Variants in DPP10 observed in about 807,000 individuals in gnomAD.
DPP10 encodes inactive dipeptidyl peptidase 10.
Under a neutral mutation model 120.9 loss-of-function variants are expected in DPP10, and 33 were observed. The ratio of observed to expected loss-of-function variants is 0.27; its 90% CI spans 0.21 to 0.37. The LOEUF (loss-of-function observed/expected upper bound fraction) is 0.37, where lower values mean the gene tolerates loss of function less well. Ranked by LOEUF, DPP10 falls within the 10% of genes least tolerant of loss-of-function variation. The probability of loss-of-function intolerance (pLI) is 1.00; values close to 1 mark genes in which losing one functional copy is unlikely to be tolerated. For missense variants in DPP10, 816 were observed against 942.8 expected (o/e 0.87, Z 1.76); for synonymous variants, 337 against 326.1 (o/e 1.03, Z -0.36).
intron 1 of DPP10, among the ~76,000 whole-genome samples, chr2:114,535,500 A>C (rs1366595328): frequency 6.6e-6 from 1 of 152,118 alleles, no homozygotes; most frequent in Non-Finnish European, 1.5e-5. Flanking sequence ...TATTAATCCC[A>C]TTGCACCCCC....
At chr2:115,579,175 A>G (rs1448462) in intron 5 of DPP10, 150,153 of 152,326 alleles carry the variant, frequency 0.99, 74,044 homozygotes, top group East Asian at 1. Flanking sequence ...GAGCTGGGGC[A>G]TGAGTCCAGG....
intron 5 of DPP10, among the ~76,000 whole-genome samples, chr2:115,628,389 T>A (rs1168273395): frequency 6.6e-6 from 1 of 152,198 alleles, no homozygotes; most frequent in Non-Finnish European, 1.5e-5. Context: ...TGTAAATTAA[T>A]TTAAGTTCCT....
intron 21 of DPP10, among the ~76,000 whole-genome samples, chr2:115,821,467 C>T (rs766611022): frequency 9.2e-5 from 14 of 151,770 alleles, no homozygotes; most frequent in South Asian, 2.1e-4. Context: ...CAGCACTTTC[C>T]GATTGATTTA....
intron 3 of DPP10, among the ~76,000 whole-genome samples, chr2:115,437,251 G>T (rs1260387657): frequency 1.3e-5 from 2 of 152,006 alleles, no homozygotes; most frequent in African/African-American, 2.4e-5. Context: ...TCTTCTAGTG[G>T]ATAGCTCAAG....
chr2:115,162,002 G>A, intron 1 of DPP10: 1 of 1,386,414 alleles, frequency 7.2e-7, no homozygotes, highest in Non-Finnish European at 9.3e-7. Context: ...GGGGGCCAGG[G>A]CGAGCCAGGC....
At chr2:114,716,201 T>A (rs1481052934) in intron 1 of DPP10, among the ~76,000 whole-genome samples, 2 of 152,008 alleles carry the variant, frequency 1.3e-5, no homozygotes, top group East Asian at 3.9e-4. Context: ...AATAAGAAAT[T>A]TTAAAAAATG....
At chr2:115,010,044 GATAT>G (rs1702150046) in intron 1 of DPP10, among the ~76,000 whole-genome samples, 4 of 152,070 alleles carry the variant, frequency 2.6e-5, no homozygotes, top group Admixed American at 2.0e-4. Context: ...TTATCTTAAT[GATAT>G]TGTAATTTAC....
chr2:115,183,954 T>C (rs2054254615), intron 1 of DPP10, among the ~76,000 whole-genome samples: 1 of 152,102 alleles, frequency 6.6e-6, no homozygotes, highest in Admixed American at 6.6e-5. Context: ...GTTGCAGAGC[T>C]CCTGGGGGAG....
chr2:115,312,819 C>A (rs578204517), intron 2 of DPP10, among the ~76,000 whole-genome samples: 11 of 152,270 alleles, frequency 7.2e-5, no homozygotes, highest in African/African-American at 2.4e-4. Context: ...TGGAAACTTT[C>A]AACCAAGTAG....
At chr2:115,761,093 TC>T (rs1680059061) in intron 11 of DPP10, among the ~76,000 whole-genome samples, 1 of 88,924 alleles carries the variant, frequency 1.1e-5, no homozygotes. Context: ...CAAGACTTTG[TC>T]TCAAAAAAAA....
chr2:114,659,004 T>C (rs1425215360), intron 1 of DPP10, among the ~76,000 whole-genome samples: 1 of 152,138 alleles, frequency 6.6e-6, no homozygotes, highest in South Asian at 2.1e-4. Context: ...TGATGGTTTT[T>C]TAACGTTTGA....
intron 1 of DPP10, among the ~76,000 whole-genome samples, chr2:114,701,364 A>G (rs1041882197): frequency 5.3e-5 from 8 of 152,122 alleles, no homozygotes; most frequent in Admixed American, 5.2e-4. Flanking sequence ...TCCATGTCAC[A>G]CTATCTGTTC....
At chr2:114,928,146 T>C (rs1440416451) in intron 1 of DPP10, among the ~76,000 whole-genome samples, 1 of 152,176 alleles carries the variant, frequency 6.6e-6, no homozygotes, top group Non-Finnish European at 1.5e-5. Context: ...TCCTTCTCAC[T>C]TTGCAAGATA....
chr2:114,962,561 T>C (rs1698721429), intron 1 of DPP10, among the ~76,000 whole-genome samples: 1 of 152,196 alleles, frequency 6.6e-6, no homozygotes, highest in African/African-American at 2.4e-5. Flanking sequence ...CAATAAATAT[T>C]ATTGATAGGC....
intron 1 of DPP10, among the ~76,000 whole-genome samples, chr2:115,182,476 G>A (rs2054142215): frequency 6.6e-6 from 1 of 152,176 alleles, no homozygotes; most frequent in Non-Finnish European, 1.5e-5. Context: ...AGGGAAAACA[G>A]TCTTTGGGGT....
At chr2:114,628,574 A>C (rs1694682422) in intron 1 of DPP10, among the ~76,000 whole-genome samples, 1 of 152,112 alleles carries the variant, frequency 6.6e-6, no homozygotes, top group South Asian at 2.1e-4. Context: ...TGCCAACCTT[A>C]ATCATTAACC....
At chr2:115,471,370 C>T (rs901871667) in intron 3 of DPP10, among the ~76,000 whole-genome samples, 2 of 152,066 alleles carry the variant, frequency 1.3e-5, no homozygotes, top group African/African-American at 4.8e-5. Flanking sequence ...TGAATATTGC[C>T]TTTGCCTCTC....
rs548760756 is a variant in DPP10, at chr2:115,748,377, C to T, written c.950+2194C>T. ...TTTTTTCTTTTTTAGTACTTTTTTC[C>T]ACCACACCTAAACCACAAATATGAT... On this transcript the variant is annotated intron_variant, in intron 10 of 25. Coordinates refer to ENST00000410059, the MANE Select transcript of DPP10 (RefSeq NM_020868.6). Among the ~76,000 whole-genome samples the T allele has an allele frequency of 5.3e-5, 8 of 151,638 alleles. No homozygotes were observed. The East Asian group carries it at 1.6e-3, about 29-fold the overall frequency.
In DPP10 at chr2:115,840,719, TCTTCAGATATC is replaced by T; in HGVS notation, c.2183-30_2183-20del. On this transcript the variant is annotated intron_variant, in intron 24 of 25. Coordinates refer to ENST00000410059, the MANE Select transcript of DPP10 (RefSeq NM_020868.6). ...AAAGTTCTCATACAAGCAGTGTGTT[TCTTCAGATATC>T]ATAATTTGATTTCTTGCAGCAAAAG... The T allele has an allele frequency of 6.3e-7, 1 of 1,599,892 alleles. No individual in the cohort carries two copies. The highest frequency in any genetic ancestry group is 8.6e-7 in the Non-Finnish European group (1 of 1,169,076).
Sources: allele counts gnomAD v4.1 joint callset (sites outside exome capture counted in the v4.1 genomes callset), GRCh38; gene constraint gnomAD v4.1.1; transcripts MANE v1.5; gene names NCBI Gene and HGNC (gene_info 2026-07-23, HGNC 2026-07-21).